DRC8: variants seen among roughly 807,000 people sequenced by gnomAD.
DRC8 encodes the protein dynein regulatory complex protein 8.
chr1:245,032,681 A>C, the DRC8 span, among the ~76,000 whole-genome samples: 1 of 152,170 alleles, frequency 6.6e-6, no homozygotes, highest in East Asian at 1.9e-4. Context: ...ATACAGTGTG[A>C]TAATATTAGC....
At chr1:244,970,355 A>C in the DRC8 span, 1 of 1,523,442 alleles carries the variant, frequency 6.6e-7, no homozygotes, top group Admixed American at 2.0e-5. Flanking sequence ...GGCGCTGAGC[A>C]GGCCGGGACA....
At chr1:245,086,075 G>A in the DRC8 span, among the ~76,000 whole-genome samples, 8 of 152,206 alleles carry the variant, frequency 5.3e-5, no homozygotes, top group Admixed American at 4.6e-4. Flanking sequence ...TGATAATTTC[G>A]AAAATGGTAT....
the DRC8 span, among the ~76,000 whole-genome samples, chr1:245,079,382 C>G: frequency 6.6e-6 from 1 of 152,290 alleles, no homozygotes; most frequent in East Asian, 1.9e-4. Flanking sequence ...CTCTGCTGTT[C>G]TGACTAGTTG....
chr1:245,034,556 G>A, the DRC8 span, among the ~76,000 whole-genome samples: 1 of 124,720 alleles, frequency 8.0e-6, no homozygotes, highest in Non-Finnish European at 1.6e-5. Context: ...AGCCATCATT[G>A]TGCCATTCCA....
the DRC8 span, among the ~76,000 whole-genome samples, chr1:245,033,246 G>C: frequency 6.6e-6 from 1 of 152,188 alleles, no homozygotes; most frequent in Non-Finnish European, 1.5e-5. Context: ...ACAGGTGCCG[G>C]TGTGGGTAGC....
chr1:244,997,110 A>T, the DRC8 span, among the ~76,000 whole-genome samples: 2 of 152,200 alleles, frequency 1.3e-5, no homozygotes, highest in African/African-American at 4.8e-5. Context: ...TTCAGTACAG[A>T]TGCAGTTTTT....
the DRC8 span, among the ~76,000 whole-genome samples, chr1:245,117,325 A>T: frequency 6.6e-6 from 1 of 151,830 alleles, no homozygotes; most frequent in Non-Finnish European, 1.5e-5. Context: ...AAGTGCTAGG[A>T]TTACAGGCAT....
the DRC8 span, among the ~76,000 whole-genome samples, chr1:245,099,706 G>A: frequency 6.6e-6 from 1 of 152,240 alleles, no homozygotes; most frequent in Admixed American, 6.5e-5. Flanking sequence ...GTGAGAAGAC[G>A]ATGTGAGGAA....
the DRC8 span, among the ~76,000 whole-genome samples, chr1:245,121,337 T>C: frequency 6.6e-6 from 1 of 151,946 alleles, no homozygotes; most frequent in Non-Finnish European, 1.5e-5. Flanking sequence ...AACGGAAGAG[T>C]CCAAAAGCAG....
chr1:244,982,524 C>T, the DRC8 span, among the ~76,000 whole-genome samples: 10 of 151,682 alleles, frequency 6.6e-5, no homozygotes, highest in Non-Finnish European at 1.5e-4. Flanking sequence ...ATTAGCCAGG[C>T]GTGGTGGCGT....
chr1:245,030,606 C>G, the DRC8 span: 8 of 152,190 alleles, frequency 5.3e-5, no homozygotes, highest in Admixed American at 5.2e-4. Context: ...ACCTGGTAAT[C>G]TAACATGCTG....
At chr1:244,994,685 C>T in the DRC8 span, among the ~76,000 whole-genome samples, 3 of 152,156 alleles carry the variant, frequency 2.0e-5, no homozygotes, top group Non-Finnish European at 1.5e-5. Flanking sequence ...GCCTCAGCCT[C>T]CCAAAGTGCT....
At chr1:245,016,462 G>A in the DRC8 span, among the ~76,000 whole-genome samples, 5 of 152,100 alleles carry the variant, frequency 3.3e-5, no homozygotes, top group Non-Finnish European at 7.4e-5. Flanking sequence ...TAAGACCACC[G>A]TATCAACCCA....
chr1:245,003,054 G>C, the DRC8 span, among the ~76,000 whole-genome samples: 1 of 152,148 alleles, frequency 6.6e-6, no homozygotes, highest in Admixed American at 6.5e-5. Context: ...AATTTGTCTT[G>C]TGTCTGACTT....
the DRC8 span, among the ~76,000 whole-genome samples, chr1:244,981,014 C>A: frequency 6.6e-6 from 1 of 152,196 alleles, no homozygotes; most frequent in African/African-American, 2.4e-5. Flanking sequence ...AAAACCCCCT[C>A]TCTACCCAAA....
chr1:244,970,069 A>C, the DRC8 span: 1 of 651,194 alleles, frequency 1.5e-6, no homozygotes, highest in Non-Finnish European at 2.8e-6. Flanking sequence ...TGCTGTCCCC[A>C]AATGGATGAG....
chr1:245,089,870 G>A, the DRC8 span, among the ~76,000 whole-genome samples: 3 of 152,182 alleles, frequency 2.0e-5, no homozygotes, highest in Non-Finnish European at 4.4e-5. This position sits in a 1 kb window ranked among gnomAD's most constrained non-coding sequence, Gnocchi z 4.8. Context: ...AGAGATTTAG[G>A]AACAATGAAC....
At chr1:245,073,588 T>G in the DRC8 span, among the ~76,000 whole-genome samples, 238 of 152,160 alleles carry the variant, frequency 1.6e-3, no homozygotes, top group African/African-American at 5.2e-3. Flanking sequence ...AAAACTACTC[T>G]TAACAAACTC....
the DRC8 span, among the ~76,000 whole-genome samples, chr1:245,004,443 G>A: frequency 0.83 from 124,991 of 150,864 alleles, 51,881 homozygotes; most frequent in East Asian, 1. Context: ...TTTTTTAAAG[G>A]TGGTATGTTA....
Sources: allele counts gnomAD v4.1 joint callset (sites outside exome capture counted in the v4.1 genomes callset), GRCh38; gene constraint gnomAD v4.1.1; non-coding constraint Gnocchi (gnomAD v3.1); transcripts MANE v1.5; gene names NCBI Gene and HGNC (gene_info 2026-07-23, HGNC 2026-07-21).